Variants in XKR6 observed in about 807,000 individuals in gnomAD.
XKR6 encodes the protein XK-related protein 6.
XKR6 carries 22 observed loss-of-function variants against 56.7 expected under a neutral mutation model. That is an observed-to-expected ratio of 0.39 (90% CI 0.28 to 0.55). XKR6 has a LOEUF of 0.55. Among genes scored for constraint, XKR6 ranks in the 20% least tolerant of loss-of-function variants. XKR6 has a pLI of 0.66. For missense variants in XKR6, 852 were observed against 889.0 expected, an observed-to-expected ratio of 0.96 and a Z score of 0.53; for synonymous variants, 524 against 387.8, an observed-to-expected ratio of 1.35 and a Z score of -4.13.
chr8:11,014,419 G>T (rs532840511), intron 1 of XKR6, among the ~76,000 whole-genome samples: 22 of 152,262 alleles, frequency 1.4e-4, no homozygotes, highest in African/African-American at 5.3e-4. Context: ...TTCCGTAAAG[G>T]CAGGAAAACC....
intron 1 of XKR6, among the ~76,000 whole-genome samples, chr8:11,139,791 C>T (rs1433315593): frequency 6.6e-6 from 1 of 152,134 alleles, no homozygotes; most frequent in East Asian, 1.9e-4. Flanking sequence ...GGAAAACTAG[C>T]GTCACATACA....
At chr8:11,060,714 G>A (rs754795081) in intron 1 of XKR6, among the ~76,000 whole-genome samples, 10 of 152,202 alleles carry the variant, frequency 6.6e-5, no homozygotes, top group Non-Finnish European at 1.3e-4. Context: ...TGCCTACTAG[G>A]CGCCAAATGC....
intron 1 of XKR6, among the ~76,000 whole-genome samples, chr8:10,992,251 ACT>A (rs1006242841): frequency 6.7e-6 from 1 of 150,288 alleles, no homozygotes; most frequent in Admixed American, 6.6e-5. Flanking sequence ...CCATAAACTA[ACT>A]CTCTCTCTCT....
intron 1 of XKR6, among the ~76,000 whole-genome samples, chr8:11,051,067 G>T (rs542195897): frequency 2.3e-4 from 35 of 152,194 alleles, no homozygotes; most frequent in Admixed American, 1.2e-3. Flanking sequence ...TTGCCAAAAA[G>T]TCACCAAAGC....
chr8:11,083,223 C>T (rs964321338), intron 1 of XKR6, among the ~76,000 whole-genome samples: 1 of 152,202 alleles, frequency 6.6e-6, no homozygotes. Context: ...TGGCTCAGCA[C>T]ATTCACCTAG....
At chr8:11,190,245 G>T (rs963297402) in intron 1 of XKR6, among the ~76,000 whole-genome samples, 1 of 148,352 alleles carries the variant, frequency 6.7e-6, no homozygotes, top group Non-Finnish European at 1.5e-5. Context: ...AAAGAAAAAA[G>T]AAAAGAAAAG....
intron 1 of XKR6, among the ~76,000 whole-genome samples, chr8:10,930,244 C>T (rs1033769905): frequency 6.6e-6 from 1 of 152,178 alleles, no homozygotes; most frequent in African/African-American, 2.4e-5. Context: ...CTGTCAGAAA[C>T]AGCACTGAAA....
intron 1 of XKR6, among the ~76,000 whole-genome samples, chr8:11,160,633 G>C (rs559627984): frequency 6.6e-6 from 1 of 152,168 alleles, no homozygotes; most frequent in South Asian, 2.1e-4. Flanking sequence ...TCACAGGCTG[G>C]GCGTGGTGGC....
chr8:11,096,995 T>G (rs1798281961), intron 1 of XKR6, among the ~76,000 whole-genome samples: 1 of 152,212 alleles, frequency 6.6e-6, no homozygotes, highest in Non-Finnish European at 1.5e-5. Context: ...GAGAACGGTG[T>G]GCTCCATCAA....
chr8:11,013,514 G>A (rs1798546430), intron 1 of XKR6, among the ~76,000 whole-genome samples: 1 of 152,194 alleles, frequency 6.6e-6, no homozygotes, highest in Non-Finnish European at 1.5e-5. Context: ...GTTCCAGATG[G>A]CAAAGGACTT....
intron 1 of XKR6, among the ~76,000 whole-genome samples, chr8:11,005,523 G>A (rs931946412): frequency 6.6e-6 from 1 of 152,256 alleles, no homozygotes; most frequent in Non-Finnish European, 1.5e-5. Flanking sequence ...TGTACTCAAT[G>A]CCACTGAACT....
At chr8:11,108,587 G>A (rs1358942774) in intron 1 of XKR6, 1 of 330,746 alleles carries the variant, frequency 3.0e-6, no homozygotes, top group Non-Finnish European at 5.8e-6. Context: ...TCTATCACCC[G>A]TGCTTCTGGG....
intron 1 of XKR6, among the ~76,000 whole-genome samples, chr8:10,952,254 T>C (rs1279482537): frequency 1.3e-5 from 2 of 151,994 alleles, no homozygotes; most frequent in East Asian, 1.9e-4. Context: ...GATTGGGTAA[T>C]GGGGTAGTGA....
intron 2 of XKR6, among the ~76,000 whole-genome samples, chr8:10,918,439 A>G (rs112762312): frequency 0.025 from 3,788 of 152,336 alleles, 161 homozygotes; most frequent in African/African-American, 0.084. Context: ...ACATGTGTGT[A>G]CTGGACTTGA....
At chr8:11,186,094 A>C (rs1803257349) in intron 1 of XKR6, among the ~76,000 whole-genome samples, 1 of 152,194 alleles carries the variant, frequency 6.6e-6, no homozygotes, top group African/African-American at 2.4e-5. Context: ...ATCAAAACAG[A>C]AATCAAAGTT....
intron 1 of XKR6, among the ~76,000 whole-genome samples, chr8:11,074,708 C>T (rs1407913163): frequency 2.6e-5 from 4 of 152,102 alleles, no homozygotes; most frequent in Admixed American, 6.5e-5. Flanking sequence ...AGAGAGACGG[C>T]GAAGTGGAAT....
chr8:11,058,649 G>C (rs1163704111), intron 1 of XKR6, among the ~76,000 whole-genome samples: 1 of 152,136 alleles, frequency 6.6e-6, no homozygotes, highest in Non-Finnish European at 1.5e-5. Context: ...AGAACAGATG[G>C]ACACCGGGAG....
intron 1 of XKR6, among the ~76,000 whole-genome samples, chr8:10,926,045 G>C (rs1272316456): frequency 6.6e-6 from 1 of 152,182 alleles, no homozygotes; most frequent in Non-Finnish European, 1.5e-5. Context: ...GTCCTTGACT[G>C]TCCTGTGGGA....
At chr8:11,180,314 T>C (rs961401286) in intron 1 of XKR6, among the ~76,000 whole-genome samples, 5 of 152,008 alleles carry the variant, frequency 3.3e-5, no homozygotes, top group African/African-American at 1.2e-4. Context: ...ACAGGGGAAA[T>C]GACTGTCCAG....
Sources: gnomAD v4.1 joint callset for allele counts (sites outside exome capture counted in the v4.1 genomes callset) on GRCh38, gnomAD v4.1.1 for gene constraint, MANE v1.5 for transcripts, NCBI Gene and HGNC (gene_info 2026-07-23, HGNC 2026-07-21) for gene names.